Variants in DGKB observed in about 807,000 individuals in gnomAD.
The protein encoded by DGKB is diacylglycerol kinase beta.
DGKB carries 67 observed loss-of-function variants against 114.3 expected under a neutral mutation model. The observed-to-expected ratio is 0.59, with a 90% CI of 0.48 to 0.72. DGKB has a LOEUF of 0.72. Among genes scored for constraint, DGKB ranks in the 30% least tolerant of loss-of-function variants. DGKB has a pLI of 0.00. For missense variants in DGKB, 907 were observed against 975.2 expected (o/e 0.93, Z 0.93); for synonymous variants, 398 against 323.1 (o/e 1.23, Z -2.49).
chr7:14,281,598 C>A (rs1158433091), intron 23 of DGKB, among the ~76,000 whole-genome samples: 1 of 146,968 alleles, frequency 6.8e-6, no homozygotes, highest in Non-Finnish European at 1.5e-5. Flanking sequence ...CAAAATTGAC[C>A]ACATACTTGG....
At chr7:14,649,456 G>C (rs1813925258) in intron 13 of DGKB, among the ~76,000 whole-genome samples, 1 of 151,220 alleles carries the variant, frequency 6.6e-6, no homozygotes, top group Admixed American at 6.6e-5. Context: ...GAGAGATTTT[G>C]TCACCACCAG....
At chr7:14,592,599 T>C (rs1801884078) in intron 17 of DGKB, among the ~76,000 whole-genome samples, 1 of 151,948 alleles carries the variant, frequency 6.6e-6, no homozygotes, top group Admixed American at 6.6e-5. Flanking sequence ...ACTTTCAGCT[T>C]ATTTATTAAT....
intron 2 of DGKB, among the ~76,000 whole-genome samples, chr7:14,816,136 G>A (rs2128092211): frequency 6.6e-6 from 1 of 152,168 alleles, no homozygotes; most frequent in East Asian, 1.9e-4. Flanking sequence ...GGCGAGACCA[G>A]CCTGGCTAAC....
At chr7:14,766,886 G>A (rs1478004438) in intron 2 of DGKB, among the ~76,000 whole-genome samples, 1 of 151,718 alleles carries the variant, frequency 6.6e-6, no homozygotes, top group Non-Finnish European at 1.5e-5. Flanking sequence ...GTAATATCAA[G>A]TTAAATGAGG....
intron 23 of DGKB, among the ~76,000 whole-genome samples, chr7:14,185,942 C>T (rs149494795): frequency 0.021 from 3,266 of 152,254 alleles, 96 homozygotes; most frequent in African/African-American, 0.067. Context: ...AAAAACTCTC[C>T]TAGACATTGG....
intron 21 of DGKB, among the ~76,000 whole-genome samples, chr7:14,425,486 T>A (rs1292836871): frequency 6.6e-6 from 1 of 152,050 alleles, no homozygotes; most frequent in African/African-American, 2.4e-5. Context: ...TCAAATATAA[T>A]CCTGACATAA....
At position 14,685,346 on chromosome 7, in the gene DGKB, C is replaced by T; in HGVS notation, c.728G>A (p.Gly243Glu). The change falls in exon 10 of 26, where the codon GGA becomes GAA. Residue 243 changes from glycine to glutamate, a missense_variant. This residue lies in a region of DGKB where 814 missense variants were observed against 856.6 expected (regional missense o/e 0.95). Coordinates refer to ENST00000402815, the MANE Select transcript of DGKB (RefSeq NM_001350709.2). The stretch of plus-strand genomic sequence containing the variant: ...GTGCTTCAGTCGCCACACGTGCTGT[C>T]CATCATCCTTCACGTTCTGCATGGG... ...LGLENNVKDD[G>E]QHVWRLKHFN... The T allele has an allele frequency of 6.2e-7, 1 of 1,613,294 alleles. No individual in the cohort carries two copies. The highest frequency in any genetic ancestry group is 8.5e-7 in the Non-Finnish European group (1 of 1,179,364).
chr7:14,832,240 G>C (rs1307890791), intron 2 of DGKB, among the ~76,000 whole-genome samples: 1 of 151,970 alleles, frequency 6.6e-6, no homozygotes, highest in Non-Finnish European at 1.5e-5. Flanking sequence ...AATTGATATA[G>C]ACTCAAGCAA....
intron 20 of DGKB, among the ~76,000 whole-genome samples, chr7:14,558,032 T>C (rs978978246): frequency 1.3e-5 from 2 of 151,482 alleles, no homozygotes; most frequent in South Asian, 2.1e-4. Flanking sequence ...TCTTTCTAGA[T>C]GCATCCATTA....
At chr7:14,418,365 G>A (rs1180286699) in intron 21 of DGKB, among the ~76,000 whole-genome samples, 1 of 86,394 alleles carries the variant, frequency 1.2e-5, no homozygotes, top group African/African-American at 5.7e-5. Flanking sequence ...ATATATATGT[G>A]TGTGTGTATA....
At chr7:14,347,674 G>A (rs1462062334) in intron 21 of DGKB, among the ~76,000 whole-genome samples, 5 of 151,916 alleles carry the variant, frequency 3.3e-5, no homozygotes, top group Admixed American at 2.6e-4. Flanking sequence ...TATAAGATAA[G>A]TAAGTTTTGG....
intron 2 of DGKB, among the ~76,000 whole-genome samples, chr7:14,834,043 A>G (rs775496881): frequency 1.2e-4 from 18 of 152,092 alleles, no homozygotes; most frequent in African/African-American, 1.7e-4. Context: ...TCTATTTATT[A>G]TTTACTGTGG....
intron 20 of DGKB, among the ~76,000 whole-genome samples, chr7:14,501,400 A>G (rs1393256715): frequency 6.6e-6 from 1 of 151,912 alleles, no homozygotes; most frequent in Non-Finnish European, 1.5e-5. Flanking sequence ...TTTAATACAT[A>G]AGAAACATAC....
chr7:14,706,804 C>T (rs1367905163), intron 6 of DGKB, among the ~76,000 whole-genome samples: 15 of 107,194 alleles, frequency 1.4e-4, no homozygotes, highest in Admixed American at 2.0e-4. Flanking sequence ...ATCTCTGGGA[C>T]GCATTCAAAG....
chr7:14,739,203 G>C (rs551286152), intron 4 of DGKB, among the ~76,000 whole-genome samples: 2 of 152,332 alleles, frequency 1.3e-5, no homozygotes, highest in Non-Finnish European at 2.9e-5. Flanking sequence ...GCAGGTAAGG[G>C]AAGGTCCCCG....
intron 23 of DGKB, among the ~76,000 whole-genome samples, chr7:14,241,760 A>T (rs60409233): frequency 6.6e-6 from 1 of 152,270 alleles, no homozygotes; most frequent in African/African-American, 2.4e-5. Flanking sequence ...TAGAGATACA[A>T]TATGCAAATT....
chr7:14,252,869 A>G (rs1293805055), intron 23 of DGKB, among the ~76,000 whole-genome samples: 1 of 152,016 alleles, frequency 6.6e-6, no homozygotes, highest in African/African-American at 2.4e-5. Context: ...GTTGTGCTAT[A>G]TGGGCTTGGA....
intron 23 of DGKB, among the ~76,000 whole-genome samples, chr7:14,318,424 TCAAA>T (rs1370439945): frequency 2.6e-5 from 4 of 152,142 alleles, no homozygotes; most frequent in African/African-American, 9.6e-5. Flanking sequence ...TACAATGAAC[TCAAA>T]CAAATTTACA....
chr7:14,901,605 A>AACCC (rs1562855781), intron 1 of DGKB, among the ~76,000 whole-genome samples: 1 of 123,092 alleles, frequency 8.1e-6, no homozygotes, highest in Admixed American at 8.7e-5. Context: ...AGGGATTTCC[A>AACCC]CCCCCCCCCA....
Sources: gnomAD v4.1 joint callset for allele counts (sites outside exome capture counted in the v4.1 genomes callset) on GRCh38, gnomAD v4.1.1 for gene constraint, gnomAD v4.1.1 regional missense constraint, MANE v1.5 for transcripts, NCBI Gene and HGNC (gene_info 2026-07-23, HGNC 2026-07-21) for gene names.